ENTHD1: variants seen among roughly 807,000 people sequenced by gnomAD.
ENTHD1 encodes ENTH domain containing 1.
Under a neutral mutation model 39.1 loss-of-function variants are expected in ENTHD1, and 23 were observed. The ratio of observed to expected loss-of-function variants is 0.59; its 90% CI spans 0.42 to 0.83. The LOEUF is 0.83. ENTHD1 is among the 40% of genes least tolerant of loss of function. ENTHD1 has a pLI of 0.00. For synonymous variants in ENTHD1, 230 were observed against 258.2 expected (o/e 0.89, Z 1.05); for missense variants, 624 against 705.4 (o/e 0.88, Z 1.31).
intron 6 of ENTHD1, among the ~76,000 whole-genome samples, chr22:39,755,905 G>T (rs1381018266): frequency 6.6e-6 from 1 of 152,138 alleles, no homozygotes; most frequent in East Asian, 1.9e-4. Flanking sequence ...CAAGAGGTCA[G>T]GTGTCTTGCC....
intron 5 of ENTHD1, among the ~76,000 whole-genome samples, chr22:39,786,412 G>C (rs183256275): frequency 2.6e-5 from 4 of 152,170 alleles, no homozygotes; most frequent in Non-Finnish European, 5.9e-5. Context: ...CAATTTTCAA[G>C]TATTACAATA....
rs146467769 is a variant in ENTHD1 at position 39,887,760 on chromosome 22, G to A, written c.-12C>T. ...CTCCTGAACGCCATAAGTAATACAA[G>A]TTCCAAGGTGAGATGGAGGATGAAA... On this transcript the variant is annotated 5_prime_UTR_variant, in exon 2 of 7. Coordinates refer to ENST00000325157, the MANE Select transcript of ENTHD1 (RefSeq NM_152512.4). 1.4e-5 allele frequency: 21 copies of A among 1,523,006 alleles called. No homozygotes were observed. In the African/African-American group the frequency reaches 2.2e-4, roughly 16 times the overall value. 94.3% of individuals were successfully genotyped at this position (1,523,006 alleles called of 1,614,324 possible).
chr22:39,863,720 TTTGGGCTCTAGGTGTG>T, intron 2 of ENTHD1, among the ~76,000 whole-genome samples: 1 of 152,168 alleles, frequency 6.6e-6, no homozygotes, highest in Admixed American at 6.5e-5. Context: ...GTATGTTCAT[TTTGGGCTCTAGGTGTG>T]ATGAATTAAA....
chr22:39,872,693 A>G lies in ENTHD1; in HGVS notation c.350-10686T>C, dbSNP rs368943691. 5.9e-5 allele frequency among the ~76,000 whole-genome samples: 9 copies of G among 152,266 alleles called. No homozygotes were observed. In the East Asian group the frequency reaches 9.6e-4, roughly 16 times the overall value. On this transcript the variant is annotated intron_variant, in intron 2 of 6. Transcript: ENST00000325157. Reference sequence around the variant, plus strand: ...ACATCCCTGAGTGTTGGAGGATACAATGGGAGAGGATACAATGGGGAGTAT... The same window carrying G: ...ACATCCCTGAGTGTTGGAGGATACAGTGGGAGAGGATACAATGGGGAGTAT...
At chr22:39,837,021 C>G (rs537348288) in intron 3 of ENTHD1, among the ~76,000 whole-genome samples, 1 of 152,146 alleles carries the variant, frequency 6.6e-6, no homozygotes, top group East Asian at 1.9e-4. Context: ...CTAATACAAC[C>G]AGTGAAAATA....
chr22:39,837,769 G>A (rs1022009793), intron 3 of ENTHD1, among the ~76,000 whole-genome samples: 2 of 152,196 alleles, frequency 1.3e-5, no homozygotes, highest in African/African-American at 4.8e-5. Context: ...AGTAAAGCCA[G>A]GCAAGCATGA....
chr22:39,764,337 G>A (rs1483666103), intron 6 of ENTHD1, among the ~76,000 whole-genome samples: 1 of 152,056 alleles, frequency 6.6e-6, no homozygotes, highest in Non-Finnish European at 1.5e-5. Flanking sequence ...TTAGCCAGGA[G>A]TGGTGGCATG....
At chr22:39,811,427 G>A (rs2065685243) in intron 5 of ENTHD1, among the ~76,000 whole-genome samples, 1 of 152,216 alleles carries the variant, frequency 6.6e-6, no homozygotes. Flanking sequence ...TGGAGCCTCT[G>A]ACAGGCAGCA....
intron 3 of ENTHD1, among the ~76,000 whole-genome samples, chr22:39,850,868 A>C (rs2066030802): frequency 6.6e-6 from 1 of 152,182 alleles, no homozygotes; most frequent in Non-Finnish European, 1.5e-5. Flanking sequence ...TTCTTAACTC[A>C]AAAATTAGAT....
At chr22:39,892,384 T>C (rs920494161) in intron 1 of ENTHD1, among the ~76,000 whole-genome samples, 1 of 152,242 alleles carries the variant, frequency 6.6e-6, no homozygotes, top group African/African-American at 2.4e-5. Context: ...GTGGAAATTC[T>C]CTTTTGGGTG....
chr22:39,796,033 G>A (rs1467327653), intron 5 of ENTHD1, among the ~76,000 whole-genome samples: 1 of 151,802 alleles, frequency 6.6e-6, no homozygotes, highest in Non-Finnish European at 1.5e-5. Flanking sequence ...TCATTTTGTT[G>A]ACGTTCTGTA....
chr22:39,770,368 C>T (rs568125292), intron 5 of ENTHD1, among the ~76,000 whole-genome samples: 2 of 152,238 alleles, frequency 1.3e-5, no homozygotes, highest in African/African-American at 4.8e-5. Flanking sequence ...TCCACTCCAT[C>T]GGTGGAGAAG....
chr22:39,825,006 T>A (rs1448774186), intron 4 of ENTHD1, among the ~76,000 whole-genome samples: 1 of 152,180 alleles, frequency 6.6e-6, no homozygotes, highest in Non-Finnish European at 1.5e-5. Flanking sequence ...ATAATTAGGG[T>A]CATCTGTACT....
chr22:39,882,733 G>A (rs1470804371), intron 2 of ENTHD1, among the ~76,000 whole-genome samples: 2 of 151,994 alleles, frequency 1.3e-5, no homozygotes, highest in Non-Finnish European at 2.9e-5. Flanking sequence ...GGCTGGGCAC[G>A]GTGGCTCACA....
At chr22:39,838,079 A>T (rs1428894996) in intron 3 of ENTHD1, among the ~76,000 whole-genome samples, 1 of 152,244 alleles carries the variant, frequency 6.6e-6, no homozygotes, top group African/African-American at 2.4e-5. Context: ...ACAGCATATG[A>T]TACAATAAAA....
At chr22:39,882,848 C>T (rs984546353) in intron 2 of ENTHD1, among the ~76,000 whole-genome samples, 9 of 151,632 alleles carry the variant, frequency 5.9e-5, no homozygotes, top group Admixed American at 2.6e-4. Flanking sequence ...ACTAAAAATA[C>T]GAAAATTAGC....
intron 5 of ENTHD1, among the ~76,000 whole-genome samples, chr22:39,806,873 CG>C (rs1013310917): frequency 6.6e-6 from 1 of 152,026 alleles, no homozygotes; most frequent in Non-Finnish European, 1.5e-5. Flanking sequence ...GAATGGAGGA[CG>C]GAGGCAAGGG....
chr22:39,813,320 A>G (rs1376670411), intron 5 of ENTHD1, among the ~76,000 whole-genome samples: 4 of 152,224 alleles, frequency 2.6e-5, no homozygotes, highest in Non-Finnish European at 5.9e-5. Context: ...AGAATTTTAG[A>G]AAAAACAGCC....
chr22:39,862,475 G>A (rs975197362), intron 2 of ENTHD1, among the ~76,000 whole-genome samples: 12 of 150,132 alleles, frequency 8.0e-5, no homozygotes, highest in Admixed American at 1.3e-4. Flanking sequence ...TTGAACTCAA[G>A]AGGTAGAGGT....
Sources: allele counts gnomAD v4.1 joint callset (sites outside exome capture counted in the v4.1 genomes callset), GRCh38; gene constraint gnomAD v4.1.1; transcripts MANE v1.5; gene names NCBI Gene and HGNC (gene_info 2026-07-23, HGNC 2026-07-21).